CAMTA1: variants seen among roughly 807,000 people sequenced by gnomAD.
The protein encoded by CAMTA1 is calmodulin-binding transcription activator 1.
A neutral mutation model predicts 170.9 loss-of-function variants in CAMTA1; 27 were observed. The ratio of observed to expected loss-of-function variants is 0.16; its 90% confidence interval spans 0.12 to 0.22. The LOEUF (loss-of-function observed/expected upper bound fraction) is 0.22. Ranked by LOEUF, CAMTA1 falls within the 10% of genes least tolerant of loss-of-function variation. The probability of loss-of-function intolerance (pLI) is 1.00; values close to 1 mark genes in which losing one functional copy is unlikely to be tolerated. For synonymous variants in CAMTA1, 833 were observed against 891.5 expected, an observed-to-expected ratio of 0.93 and a Z score of 1.17; for missense variants, 1,619 against 2,217.2, an observed-to-expected ratio of 0.73 and a Z score of 5.42.
chr1:7,704,996 A>T (rs773896123), intron 11 of CAMTA1, among the ~76,000 whole-genome samples: 1 of 130,904 alleles, frequency 7.6e-6, no homozygotes. Context: ...GGGCGTGGGG[A>T]CACGCGTGCT....
At chr1:6,844,261 C>T (rs1364993844) in intron 3 of CAMTA1, among the ~76,000 whole-genome samples, 2 of 152,126 alleles carry the variant, frequency 1.3e-5, no homozygotes, top group Non-Finnish European at 2.9e-5. Flanking sequence ...AGCAGGGCTT[C>T]TGGGGTGTTG....
intron 5 of CAMTA1, among the ~76,000 whole-genome samples, chr1:7,458,145 G>A (rs564805201): frequency 5.3e-5 from 8 of 152,204 alleles, no homozygotes; most frequent in Admixed American, 1.3e-4. Flanking sequence ...CTCTTCAATC[G>A]CCTCCATCTC....
chr1:6,932,661 G>C (rs754823120), intron 3 of CAMTA1, among the ~76,000 whole-genome samples: 2 of 152,132 alleles, frequency 1.3e-5, no homozygotes, highest in African/African-American at 4.8e-5. Flanking sequence ...CCCTTCCTAC[G>C]GTCAGTCTTT....
In CAMTA1 at chr1:7,443,100, C is replaced by A. The variant is rs535831495; in HGVS notation, c.439-24730C>A. On this transcript the variant is annotated intron_variant, in intron 5 of 22. Transcript: ENST00000303635. The surrounding 1 kb of genome is among the most constrained non-coding windows in gnomAD (Gnocchi z 4.1). ...GCCTCATTCACTCCAACAGAACTGT[C>A]CCTCCCAGCTCAAGTATACTGTGTC... Among the ~76,000 whole-genome samples the A allele has an allele frequency of 6.6e-6, 1 of 151,970 alleles. No homozygotes were observed. Among genetic ancestry groups the A allele is most frequent in the Admixed American group, 6.5e-5 (1 of 15,278 alleles).
intron 5 of CAMTA1, among the ~76,000 whole-genome samples, chr1:7,382,112 T>C (rs2087407890): frequency 6.6e-6 from 1 of 152,222 alleles, no homozygotes; most frequent in Admixed American, 6.5e-5. Flanking sequence ...AACAACGCTT[T>C]TGCCTGTATC....
At chr1:7,202,782 G>C (rs1656952942) in intron 4 of CAMTA1, among the ~76,000 whole-genome samples, 1 of 151,962 alleles carries the variant, frequency 6.6e-6, no homozygotes, top group Non-Finnish European at 1.5e-5. Context: ...GTTTTTTAGT[G>C]GATTCCTCAC....
At chr1:7,344,397 G>C (rs1033435087) in intron 5 of CAMTA1, among the ~76,000 whole-genome samples, 14 of 152,194 alleles carry the variant, frequency 9.2e-5, no homozygotes, top group African/African-American at 3.1e-4. Context: ...AGTGACCAAG[G>C]CTGGCTGGAT....
intron 2 of CAMTA1, among the ~76,000 whole-genome samples, chr1:6,824,559 G>A (rs990329222): frequency 2.6e-5 from 4 of 152,120 alleles, no homozygotes; most frequent in Non-Finnish European, 5.9e-5. Flanking sequence ...TGTATTACCT[G>A]AGTAGCTAAC....
rs777013437 is a variant in CAMTA1, at chr1:7,176,598, C to A, written c.303-72893C>A. On this transcript the variant is annotated intron_variant, in intron 4 of 22. Coordinates refer to ENST00000303635, the MANE Select transcript of CAMTA1 (RefSeq NM_015215.4). ...CTTCTGATTCTACAGCTCGTTCGCA[C>A]TTTTTCCTGGTTGCCCTGGGTTAGC... 5.3e-5 allele frequency among the ~76,000 whole-genome samples: 8 copies of A among 152,346 alleles called. No homozygotes were observed. In the South Asian group the frequency reaches 1.7e-3, roughly 32 times the overall value.
intron 6 of CAMTA1, among the ~76,000 whole-genome samples, chr1:7,506,014 G>A (rs376363241): frequency 1.3e-5 from 2 of 152,176 alleles, no homozygotes; most frequent in East Asian, 1.9e-4. Context: ...TGGAAGGGGA[G>A]GCAGAGCTCT....
rs74051175 is a variant in CAMTA1 at position 7,196,444 on chromosome 1, C to T, written c.303-53047C>T. Among the ~76,000 whole-genome samples the T allele has an allele frequency of 3.3e-3, 503 of 152,314 alleles. 2 individuals are homozygous for T. Among genetic ancestry groups the T allele is most frequent in the African/African-American group, 0.012 (481 of 41,566 alleles). On this transcript the variant is annotated intron_variant, in intron 4 of 22. Transcript: ENST00000303635. ...TCTTAGAGATCTGTTTGCCTGCTCT[C>T]ACAGAGCCCCTGACCAGTGATGGGA...
rs942809789 is a variant in CAMTA1 at position 7,010,679 on chromosome 1, C to A, written c.235-80625C>A. On this transcript the variant is annotated intron_variant, in intron 3 of 22. Transcript: ENST00000303635. The surrounding 1 kb of genome is among the most constrained non-coding windows in gnomAD (Gnocchi z 4.4). ...CCTGGCACCGAATAGGTGCTGTTTA[C>A]GTGATAGCTTGTATGGTTGGCTCTC... 3.9e-5 allele frequency among the ~76,000 whole-genome samples: 6 copies of A among 152,174 alleles called. No homozygotes were observed. The highest frequency in any genetic ancestry group is 1.2e-4 in the African/African-American group (5 of 41,432).
chr1:7,218,877 T>C (rs1204555662), intron 4 of CAMTA1, among the ~76,000 whole-genome samples: 1 of 152,200 alleles, frequency 6.6e-6, no homozygotes, highest in Non-Finnish European at 1.5e-5. Context: ...GTGGTTGTTT[T>C]TGTTCTTCTT....
intron 4 of CAMTA1, among the ~76,000 whole-genome samples, chr1:7,237,071 C>A (rs1235932136): frequency 6.6e-6 from 1 of 152,186 alleles, no homozygotes; most frequent in Non-Finnish European, 1.5e-5. Flanking sequence ...CTTCCCTGTG[C>A]CTTGTGGCAG....
At chr1:6,958,194 C>A (rs2149507627) in intron 3 of CAMTA1, among the ~76,000 whole-genome samples, 1 of 152,264 alleles carries the variant, frequency 6.6e-6, no homozygotes, top group South Asian at 2.1e-4. Flanking sequence ...TCCCCTAGGC[C>A]CCTCCCTGGA....
Position 7,685,751 on chromosome 1 carries a change from G to C in CAMTA1, c.2914+8018G>C, listed in dbSNP as rs1451606380. Among the ~76,000 whole-genome samples the C allele has an allele frequency of 6.6e-6, 1 of 152,152 alleles. No individual in the cohort carries two copies. Among genetic ancestry groups the C allele is most frequent in the Non-Finnish European group, 1.5e-5 (1 of 68,022 alleles). Reference sequence around the variant, plus strand: ...GGCTGCCCCTCTGTTTGTCTTCTTGGATCCAGGCCATCCATCTAACGGCCT... The same window carrying C: ...GGCTGCCCCTCTGTTTGTCTTCTTGCATCCAGGCCATCCATCTAACGGCCT... On this transcript the variant is annotated intron_variant, in intron 11 of 22. Transcript: ENST00000303635. The surrounding 1 kb of genome is among the most constrained non-coding windows in gnomAD (Gnocchi z 5.7).
At chr1:7,385,648 G>C (rs1251203363) in intron 5 of CAMTA1, among the ~76,000 whole-genome samples, 2 of 152,188 alleles carry the variant, frequency 1.3e-5, no homozygotes, top group African/African-American at 4.8e-5. Context: ...TGAGGCTGCA[G>C]AGGCCAGGCC....
intron 3 of CAMTA1, among the ~76,000 whole-genome samples, chr1:6,884,795 G>T (rs142941855): frequency 3.9e-5 from 6 of 152,330 alleles, no homozygotes; most frequent in African/African-American, 1.4e-4. Context: ...AGTCTAAGCA[G>T]TCTAGAGCAT....
chr1:7,419,555 G>A (rs201532450), intron 5 of CAMTA1, among the ~76,000 whole-genome samples: 6 of 152,120 alleles, frequency 3.9e-5, no homozygotes, highest in African/African-American at 9.7e-5. Flanking sequence ...ACTCAGTCTC[G>A]TGGTTCTAAA....
Sources: gnomAD v4.1 joint callset for allele counts (sites outside exome capture counted in the v4.1 genomes callset) on GRCh38, gnomAD v4.1.1 for gene constraint, Gnocchi (gnomAD v3.1) non-coding constraint, MANE v1.5 for transcripts, NCBI Gene and HGNC (gene_info 2026-07-23, HGNC 2026-07-21) for gene names.